Variants in ABCA4 observed in about 807,000 individuals in gnomAD.
ABCA4 encodes retinal-specific phospholipid-transporting ATPase ABCA4.
In ABCA4, 196 loss-of-function variants were observed where a neutral mutation model predicts 263.7. The observed-to-expected ratio is 0.74, with a 90% confidence interval of 0.66 to 0.84. The LOEUF (loss-of-function observed/expected upper bound fraction) is 0.84. Among genes scored for constraint, ABCA4 ranks in the 40% least tolerant of loss-of-function variants. The probability of loss-of-function intolerance (pLI) is 0.00; values close to 1 mark genes in which losing one functional copy is unlikely to be tolerated. For synonymous variants in ABCA4, 1,133 were observed against 1,094.2 expected, an observed-to-expected ratio of 1.04 and a Z score of -0.70; for missense variants, 2,792 against 2,855.1, an observed-to-expected ratio of 0.98 and a Z score of 0.50.
chr1:94,014,197 GAAGGAA>G (rs1659653794), intron 38 of ABCA4, among the ~76,000 whole-genome samples: 3 of 120,972 alleles, frequency 2.5e-5, no homozygotes, highest in East Asian at 2.8e-4. Flanking sequence ...AAGGAAGAAA[GAAGGAA>G]GGATGGAGGG....
intron 4 of ABCA4, among the ~76,000 whole-genome samples, chr1:94,105,190 A>G (rs924007306): frequency 6.6e-6 from 1 of 152,244 alleles, no homozygotes; most frequent in Admixed American, 6.5e-5. Flanking sequence ...CAGAGTCTCA[A>G]TAAATGTCTG....
rs865963204 is a variant in ABCA4 at position 94,044,695 on chromosome 1, C to T, written c.2968G>A (p.Gly990Arg). Residue 990 changes from glycine (G) to arginine (R), a missense_variant, in exon 20 of 50, where the codon GGG becomes AGG. Physicochemically the swap from Gly to Arg is moderately radical, Grantham distance 125. Coordinates refer to ENST00000370225, the MANE Select transcript of ABCA4 (RefSeq NM_000350.3). ...LPPTSGTVLV[G>R]GRDIETSLDA... is the part of the protein sequence containing the mutation. Reference sequence around the variant, plus strand: ...AGGCTGGTTTCAATGTCCCTTCCCCCAACGAGCACAGTCCCAGAGGTTGGT... The same window carrying T: ...AGGCTGGTTTCAATGTCCCTTCCCCTAACGAGCACAGTCCCAGAGGTTGGT... 1.2e-6 allele frequency: 2 copies of T among 1,614,050 alleles called. No homozygotes were observed. The highest frequency in any genetic ancestry group is 1.7e-5 in the Admixed American group (1 of 60,002).
intron 6 of ABCA4, among the ~76,000 whole-genome samples, chr1:94,085,387 G>T (rs1236018756): frequency 6.6e-6 from 1 of 152,046 alleles, no homozygotes; most frequent in Non-Finnish European, 1.5e-5. Context: ...TAATAAAAAA[G>T]GTTTTAGTGT....
chr1:94,014,071 A>C (rs1490972292), intron 38 of ABCA4, among the ~76,000 whole-genome samples: 1 of 152,222 alleles, frequency 6.6e-6, no homozygotes, highest in African/African-American at 2.4e-5. Flanking sequence ...ACCTTTCTGA[A>C]AGAGTAAGCA....
At chr1:94,068,858 C>T (rs1661338980) in intron 11 of ABCA4, among the ~76,000 whole-genome samples, 1 of 152,232 alleles carries the variant, frequency 6.6e-6, no homozygotes, top group Non-Finnish European at 1.5e-5. Flanking sequence ...GAGGCAGATT[C>T]TGGGCAAATG....
rs61750569 is a variant in ABCA4, at chr1:94,015,818, TGCCCACCACCA to T, written c.5222_5232del (p.Leu1741HisfsTer42). On this transcript the variant is annotated frameshift_variant, in exon 37 of 50. Coordinates refer to ENST00000370225, the MANE Select transcript of ABCA4 (RefSeq NM_000350.3). LOFTEE classifies it high-confidence loss of function. ...GCTTTCTTCTGAAACCCGATGAAGA[TGCCCACCACCA>T]GCCCAGCACTCACGGAATAATTCAT... The T allele has an allele frequency of 1.7e-5, 27 of 1,613,980 alleles. No homozygotes were observed. The highest frequency in any genetic ancestry group is 2.3e-5 in the Non-Finnish European group (27 of 1,180,008).
At chr1:94,037,411 T>G (rs141844818) in intron 24 of ABCA4, 61 bp from the exon 25 acceptor site, 1 of 1,497,324 alleles carries the variant, frequency 6.7e-7, no homozygotes, top group African/African-American at 1.4e-5. Flanking sequence ...GACTGTGAGG[T>G]TACCCAGATT....
chr1:94,048,581 C>A (rs1432446759), intron 18 of ABCA4, among the ~76,000 whole-genome samples: 1 of 152,248 alleles, frequency 6.6e-6, no homozygotes, highest in East Asian at 1.9e-4. Flanking sequence ...CGGAAGTCAG[C>A]ACATTTGTGC....
chr1:94,027,922 G>T (rs1660084896), intron 30 of ABCA4, among the ~76,000 whole-genome samples: 1 of 152,214 alleles, frequency 6.6e-6, no homozygotes, highest in Non-Finnish European at 1.5e-5. Context: ...AGGAGAAAGA[G>T]AATAGAACAT....
chr1:94,052,356 CA>C (rs1238778878), intron 16 of ABCA4, among the ~76,000 whole-genome samples: 12 of 152,318 alleles, frequency 7.9e-5, no homozygotes, highest in Non-Finnish European at 1.5e-4. Flanking sequence ...CTGCTCCCTA[CA>C]AAATGTTGAT....
chr1:94,096,899 C>T (rs1457557258), intron 6 of ABCA4, among the ~76,000 whole-genome samples: 1 of 152,182 alleles, frequency 6.6e-6, no homozygotes, highest in Non-Finnish European at 1.5e-5. Flanking sequence ...GGTGCACAGA[C>T]ATTGCTCATT....
chr1:94,091,608 C>T (rs1197151191), intron 6 of ABCA4, among the ~76,000 whole-genome samples: 1 of 151,446 alleles, frequency 6.6e-6, no homozygotes, highest in Non-Finnish European at 1.5e-5. Context: ...CACACACACA[C>T]ACACACACAC....
Position 94,008,734 on chromosome 1 carries a change from C to G in ABCA4, c.5835+17G>C. The G allele has an allele frequency of 6.2e-7, 1 of 1,613,942 alleles. No individual in the cohort carries two copies. On this transcript the variant is annotated intron_variant, in intron 41 of 49. Coordinates refer to ENST00000370225, the MANE Select transcript of ABCA4 (RefSeq NM_000350.3). ...TGGATCTAACCAGCACCTCCAAACT[C>G]ATACCCATTCCCTTACCTTGGTTAG...
intron 3 of ABCA4, 150 bp downstream of exon 3, chr1:94,111,288 A>G: frequency 1.8e-6 from 2 of 1,123,776 alleles, no homozygotes; most frequent in Non-Finnish European, 2.5e-6. Context: ...TGTTCCAGAG[A>G]GGAAACCTGC....
Position 94,037,175 on chromosome 1 carries a change from A to G in ABCA4, c.3783T>C (p.Ser1261=). 1 of 1,614,222 alleles carries G rather than the reference A, an allele frequency of 6.2e-7. No homozygotes were observed. Among genetic ancestry groups the G allele is most frequent in the Non-Finnish European group, 8.5e-7 (1 of 1,180,044 alleles). The stretch of plus-strand genomic sequence containing the variant: ...CCAGGGGAGTGTCAGAAATTCCAAA[A>G]CTGCTGAGACCAAGGTCAGCCAGCG... ...EETLADLGLS[S]FGISDTPLEE... Residue 1261 remains serine, a synonymous_variant, in exon 25 of 50, where the codon AGT becomes AGC. Coordinates refer to ENST00000370225, the MANE Select transcript of ABCA4 (RefSeq NM_000350.3).
intron 13 of ABCA4, chr1:94,061,305 A>G (rs1469062802): frequency 5.5e-6 from 1 of 182,586 alleles, no homozygotes; most frequent in Non-Finnish European, 1.2e-5. Flanking sequence ...CGAATGATCC[A>G]TCAATACATC....
rs1380581798 is a variant in ABCA4, at chr1:94,023,374, A to G, written c.4667+12T>C. 2.5e-6 allele frequency: 4 copies of G among 1,598,724 alleles called. No homozygotes were observed. In the South Asian group the frequency reaches 4.4e-5, roughly 18 times the overall value. On this transcript the variant is annotated intron_variant, in intron 32 of 49. Transcript: ENST00000370225. ...ATCTGAGATTTTAATTCTGATAAAA[A>G]TAGTTTCTTACCTCTGTTCATTGAC...
chr1:93,993,616 A>G (rs1658925529), intron 49 of ABCA4, among the ~76,000 whole-genome samples: 1 of 152,078 alleles, frequency 6.6e-6, no homozygotes, highest in Admixed American at 6.6e-5. Flanking sequence ...AGAAATCCTA[A>G]TTTAGGTCAG....
At chr1:94,101,754 G>A (rs771506982) in intron 5 of ABCA4, among the ~76,000 whole-genome samples, 4 of 152,176 alleles carry the variant, frequency 2.6e-5, no homozygotes, top group South Asian at 2.1e-4. Flanking sequence ...TAGCATTCTC[G>A]CTGTGTTCAT....
Sources: allele counts gnomAD v4.1 joint callset (sites outside exome capture counted in the v4.1 genomes callset), GRCh38; gene constraint gnomAD v4.1.1; transcripts MANE v1.5; gene names NCBI Gene and HGNC (gene_info 2026-07-23, HGNC 2026-07-21).